GRK7: variants seen among roughly 807,000 people sequenced by gnomAD.
The protein encoded by GRK7 is rhodopsin kinase GRK7.
A neutral mutation model predicts 34.1 loss-of-function variants in GRK7; 24 were observed. The observed-to-expected ratio is 0.70, with a 90% CI of 0.51 to 0.99. The LOEUF (loss-of-function observed/expected upper bound fraction) is 0.99, where lower values mean the gene tolerates loss of function less well. GRK7 is among the 50% of genes least tolerant of loss of function. GRK7 has a pLI of 0.00. For synonymous variants in GRK7, 256 were observed against 279.4 expected (o/e 0.92, Z 0.84); for missense variants, 644 against 707.3 (o/e 0.91, Z 1.02).
At chr3:141,803,006 A>T (rs1286718186) in intron 4 of GRK7, among the ~76,000 whole-genome samples, 1 of 152,234 alleles carries the variant, frequency 6.6e-6, no homozygotes, top group Non-Finnish European at 1.5e-5. Context: ...TTTCAGAAAG[A>T]ATTTCAGAAA....
chr3:141,772,314 C>CA (rs1352885439), intron 1 of GRK7, among the ~76,000 whole-genome samples: 2 of 152,190 alleles, frequency 1.3e-5, no homozygotes, highest in East Asian at 3.9e-4. Context: ...AGGCTGGTCT[C>CA]AAACTCCTGA....
At chr3:141,810,267 T>C in intron 5 of GRK7, among the ~76,000 whole-genome samples, 1 of 151,310 alleles carries the variant, frequency 6.6e-6, no homozygotes, top group Non-Finnish European at 1.5e-5. Context: ...TCTCTCTTTC[T>C]CTCTCTCCCC....
intron 1 of GRK7, among the ~76,000 whole-genome samples, chr3:141,773,595 T>C (rs748971108): frequency 1.3e-5 from 2 of 152,172 alleles, no homozygotes; most frequent in Non-Finnish European, 2.9e-5. Context: ...CACTGCAAGC[T>C]CCACCTCCCG....
intron 4 of GRK7, among the ~76,000 whole-genome samples, chr3:141,794,199 C>T (rs992504527): frequency 6.6e-6 from 1 of 152,214 alleles, no homozygotes; most frequent in Non-Finnish European, 1.5e-5. Context: ...TATTGGACTT[C>T]ACTTAAAAGA....
the GRK7 span, among the ~76,000 whole-genome samples, chr3:141,753,826 ATTGG>A: frequency 6.6e-6 from 1 of 152,232 alleles, no homozygotes; most frequent in African/African-American, 2.4e-5. Context: ...TATTAACATA[ATTGG>A]TACAGTTTTC....
chr3:141,791,663 T>C (rs2084724689), intron 4 of GRK7, among the ~76,000 whole-genome samples: 1 of 152,210 alleles, frequency 6.6e-6, no homozygotes, highest in Non-Finnish European at 1.5e-5. Context: ...CACTTGTTTA[T>C]TCAACTTACA....
At position 141,808,718 on chromosome 3, in the gene GRK7, AAAAG is replaced by A. The variant is rs144960750; in HGVS notation, c.1325+808_1325+811del. Among the ~76,000 whole-genome samples, 552 of 152,084 alleles carry A rather than the reference AAAAG, an allele frequency of 3.6e-3. 4 individuals carry two copies. Among genetic ancestry groups the A allele is most frequent in the African/African-American group, 0.012 (496 of 41,478 alleles). ...ACAGAGTGAAACTCCATCTCAAAAA[AAAAG>A]AAAGAAAGTAAGTAGAACGGCAGTT... On this transcript the variant is annotated intron_variant, in intron 5 of 5. Coordinates refer to ENST00000682958, the MANE Select transcript of GRK7 (RefSeq NM_139209.3).
chr3:141,769,015 G>A (rs951141827), intron 1 of GRK7, among the ~76,000 whole-genome samples: 1 of 151,980 alleles, frequency 6.6e-6, no homozygotes, highest in Non-Finnish European at 1.5e-5. Context: ...TCCCCAGGTG[G>A]GTTCTTCAAT....
At chr3:141,790,945 T>C (rs2084721314) in intron 4 of GRK7, among the ~76,000 whole-genome samples, 1 of 152,264 alleles carries the variant, frequency 6.6e-6, no homozygotes, top group South Asian at 2.1e-4. Context: ...AACTAGTTTG[T>C]ATCATTGTAA....
At chr3:141,766,374 A>G (rs1291353940) in intron 1 of GRK7, among the ~76,000 whole-genome samples, 1 of 152,186 alleles carries the variant, frequency 6.6e-6, no homozygotes, top group Non-Finnish European at 1.5e-5. Flanking sequence ...CGTGTTAGCC[A>G]GGATGGTCTC....
In GRK7 at chr3:141,765,091, G is replaced by A. The variant is rs1013966834; in HGVS notation, c.-862G>A. Among the ~76,000 whole-genome samples, 1 of 152,192 alleles carries A rather than the reference G, an allele frequency of 6.6e-6. No homozygotes were observed. The highest frequency in any genetic ancestry group is 2.4e-5 in the African/African-American group (1 of 41,442). ...CAGTGGCTTTCCATCTCACTCAGAA[G>A]GAAAACCTAAGTTCTTGCAGTGATC... On this transcript the variant is annotated 5_prime_UTR_variant, in exon 1 of 6. Coordinates refer to ENST00000682958, the MANE Select transcript of GRK7 (RefSeq NM_139209.3).
rs941871518 is a variant in GRK7 at position 141,763,597 on chromosome 3, C to T, written c.-2356C>T. Among the ~76,000 whole-genome samples, 2 of 152,086 alleles carry T rather than the reference C, an allele frequency of 1.3e-5. No individual in the cohort carries two copies. The highest frequency in any genetic ancestry group is 2.4e-5 in the African/African-American group (1 of 41,418). ...GGATCCCGGATCCAGATCCAGTGTG[C>T]GTGGCAAGGCCAGCACCCCTCCCTG... On this transcript the variant is annotated 5_prime_UTR_variant, in exon 1 of 6. Coordinates refer to ENST00000682958, the MANE Select transcript of GRK7 (RefSeq NM_139209.3).
chr3:141,762,896 GCGTC>G (rs1333338843), upstream of GRK7, among the ~76,000 whole-genome samples: 1 of 152,178 alleles, frequency 6.6e-6, no homozygotes, highest in Non-Finnish European at 1.5e-5. Flanking sequence ...TTTTCCAGGT[GCGTC>G]CGTCACTCCT....
At chr3:141,776,446 A>G (rs2107875409) in intron 2 of GRK7, among the ~76,000 whole-genome samples, 1 of 152,324 alleles carries the variant, frequency 6.6e-6, no homozygotes, top group African/African-American at 2.4e-5. Context: ...TATCAGACCA[A>G]TTTCTCACTA....
Position 141,795,760 on chromosome 3 carries a change from C to T in GRK7, c.1051-11885C>T, listed in dbSNP as rs146004709. 1.1e-3 allele frequency among the ~76,000 whole-genome samples: 168 copies of T among 151,674 alleles called. 1 individual carries two copies. Among genetic ancestry groups the T allele is most frequent in the Admixed American group, 7.6e-3 (116 of 15,246 alleles). ...ATGGAGACCAGCCTGGGCAACAAAG[C>T]GAGACTCTGCTCTATGTTAAAAAAA... is the stretch of plus-strand genomic sequence containing the variant. On this transcript the variant is annotated intron_variant, in intron 4 of 5. Transcript: ENST00000682958.
At chr3:141,814,250 T>C (rs75585257) in intron 5 of GRK7, among the ~76,000 whole-genome samples, 2 of 152,220 alleles carry the variant, frequency 1.3e-5, no homozygotes, top group African/African-American at 4.8e-5. Context: ...TATTTTAGAT[T>C]CAGGGAGTAT....
chr3:141,776,501 T>A (rs2107875438), intron 2 of GRK7, among the ~76,000 whole-genome samples: 2 of 152,146 alleles, frequency 1.3e-5, no homozygotes, highest in African/African-American at 4.8e-5. Flanking sequence ...CAGAAAAGTA[T>A]CCAACATTTC....
At chr3:141,787,843 T>TA (rs11396159) in intron 4 of GRK7, among the ~76,000 whole-genome samples, 16,108 of 135,402 alleles carry the variant, frequency 0.12, 2,875 homozygotes, top group African/African-American at 0.39. Context: ...CTTTGTCTCT[T>TA]AAAAAAAAAA....
In GRK7 at chr3:141,780,643, C is replaced by T; in HGVS notation, c.882C>T (p.Ile294=). 1 of 1,614,220 alleles carries T rather than the reference C, an allele frequency of 6.2e-7. No homozygotes were observed. Among genetic ancestry groups the T allele is most frequent in the South Asian group, 1.1e-5 (1 of 91,090 alleles). The change falls in exon 4 of 6, where the codon ATC becomes ATT. Residue 294 remains isoleucine (I), a synonymous_variant. Coordinates refer to ENST00000682958, the MANE Select transcript of GRK7 (RefSeq NM_139209.3). ...GTRGLDMSRV[I]FYSAQIACGM... is the part of the protein sequence containing the mutation. Reference sequence around the variant, plus strand: ...GTGGCCTGGACATGAGCCGGGTGATCTTTTACTCGGCCCAGATAGCCTGTG... The same window carrying T: ...GTGGCCTGGACATGAGCCGGGTGATTTTTTACTCGGCCCAGATAGCCTGTG...
Sources: gnomAD v4.1 joint callset for allele counts (sites outside exome capture counted in the v4.1 genomes callset) on GRCh38, gnomAD v4.1.1 for gene constraint, MANE v1.5 for transcripts, NCBI Gene and HGNC (gene_info 2026-07-23, HGNC 2026-07-21) for gene names.